VDAC1: variants seen among roughly 807,000 people sequenced by gnomAD.
VDAC1 encodes the protein voltage dependent anion channel 1, also known as non-selective voltage-gated ion channel VDAC1.
VDAC1 carries 10 observed loss-of-function variants against 34.7 expected under a neutral mutation model. The observed-to-expected ratio is 0.29, with a 90% confidence interval of 0.18 to 0.49. The LOEUF (loss-of-function observed/expected upper bound fraction) is 0.49, where lower values mean the gene tolerates loss of function less well. VDAC1 is among the 20% of genes least tolerant of loss of function. The pLI is 0.99. For synonymous variants in VDAC1, 130 were observed against 136.0 expected (o/e 0.96, Z 0.30); for missense variants, 230 against 347.9 (o/e 0.66, Z 2.69).
At chr5:134,023,604 A>G in the VDAC1 span, among the ~76,000 whole-genome samples, 34 of 152,312 alleles carry the variant, frequency 2.2e-4, no homozygotes, top group African/African-American at 6.3e-4. Flanking sequence ...CATTCATTCA[A>G]CAAATATTTA....
At chr5:134,042,973 C>A in the VDAC1 span, among the ~76,000 whole-genome samples, 1 of 152,220 alleles carries the variant, frequency 6.6e-6, no homozygotes, top group Admixed American at 6.5e-5. Flanking sequence ...TCGTGGGAGA[C>A]AGGCTGGTGG....
the VDAC1 span, among the ~76,000 whole-genome samples, chr5:134,092,886 C>G: frequency 6.6e-6 from 1 of 152,222 alleles, no homozygotes; most frequent in African/African-American, 2.4e-5. Flanking sequence ...TCCATTGCAA[C>G]CCTTGCCACT....
At chr5:134,091,206 T>C in the VDAC1 span, among the ~76,000 whole-genome samples, 2 of 152,210 alleles carry the variant, frequency 1.3e-5, no homozygotes, top group Non-Finnish European at 2.9e-5. Flanking sequence ...AGACAATAAG[T>C]ATTTGTTGAA....
At chr5:133,991,272 A>G in intron 3 of VDAC1, 118 bp from the exon 4 acceptor site, 1 of 1,267,290 alleles carries the variant, frequency 7.9e-7, no homozygotes, top group Non-Finnish European at 1.1e-6. Context: ...TGGGGGGGCC[A>G]AGGCTAACTC....
the VDAC1 span, among the ~76,000 whole-genome samples, chr5:134,074,936 C>T: frequency 6.6e-6 from 1 of 152,196 alleles, no homozygotes; most frequent in Admixed American, 6.5e-5. Context: ...ACTGACTGCC[C>T]CAGACTCCAG....
chr5:134,102,032 C>T, the VDAC1 span, among the ~76,000 whole-genome samples: 1 of 152,270 alleles, frequency 6.6e-6, no homozygotes, highest in East Asian at 1.9e-4. Context: ...CCATCCTCCA[C>T]TATTCAGCGG....
the VDAC1 span, among the ~76,000 whole-genome samples, chr5:134,058,662 T>G: frequency 6.6e-6 from 1 of 152,132 alleles, no homozygotes; most frequent in Non-Finnish European, 1.5e-5. Flanking sequence ...AGGCAGACCA[T>G]GCATTGCACC....
At chr5:133,986,087 G>C (rs71587513) in intron 5 of VDAC1, among the ~76,000 whole-genome samples, 15,441 of 152,086 alleles carry the variant, frequency 0.1, 912 homozygotes, top group South Asian at 0.21. Flanking sequence ...GATATTATTG[G>C]GATTTATTTT....
chr5:134,026,008 G>A, the VDAC1 span, among the ~76,000 whole-genome samples: 1 of 152,182 alleles, frequency 6.6e-6, no homozygotes, highest in East Asian at 1.9e-4. Flanking sequence ...CCTGGGGGAG[G>A]GAGTTGCCTG....
chr5:134,075,632 C>T, the VDAC1 span, among the ~76,000 whole-genome samples: 8 of 151,996 alleles, frequency 5.3e-5, no homozygotes, highest in Admixed American at 1.3e-4. Context: ...TGCCCAGGCT[C>T]GAGTGCAGTG....
the VDAC1 span, among the ~76,000 whole-genome samples, chr5:134,084,649 A>G: frequency 6.6e-6 from 1 of 152,312 alleles, no homozygotes; most frequent in South Asian, 2.1e-4. Context: ...CAGTTTCCCC[A>G]TCTCTCAAAT....
At chr5:133,989,966 A>G (rs770109817) in intron 5 of VDAC1, among the ~76,000 whole-genome samples, 8 of 152,184 alleles carry the variant, frequency 5.3e-5, no homozygotes, top group Admixed American at 2.6e-4. Flanking sequence ...CCGGCCCACA[A>G]TTTTTAAAAA....
At chr5:134,099,851 G>C in the VDAC1 span, among the ~76,000 whole-genome samples, 1 of 152,216 alleles carries the variant, frequency 6.6e-6, no homozygotes, top group Non-Finnish European at 1.5e-5. Context: ...TCAAAGTGCT[G>C]GGATTGTGGG....
intron 1 of VDAC1, among the ~76,000 whole-genome samples, chr5:133,997,270 A>G (rs751742073): frequency 6.6e-6 from 1 of 152,182 alleles, no homozygotes; most frequent in Non-Finnish European, 1.5e-5. Context: ...CACTACTCAA[A>G]GATGTGTATA....
the VDAC1 span, among the ~76,000 whole-genome samples, chr5:134,067,363 C>T: frequency 2.0e-5 from 3 of 148,348 alleles, no homozygotes; most frequent in Non-Finnish European, 4.4e-5. Context: ...GTGTGAGCCA[C>T]CGCTCCCAGT....
the VDAC1 span, among the ~76,000 whole-genome samples, chr5:134,065,606 G>T: frequency 4.6e-5 from 7 of 151,714 alleles, no homozygotes; most frequent in East Asian, 7.8e-4. Context: ...CTCTCAAAAT[G>T]CTGGAATTAT....
chr5:134,007,242 CAAAAAA>C (rs56702014), upstream of VDAC1, among the ~76,000 whole-genome samples: 19 of 120,262 alleles, frequency 1.6e-4, no homozygotes, highest in South Asian at 2.7e-4. Flanking sequence ...GAAACTCTGC[CAAAAAA>C]AAAAAAAAAG....
chr5:134,002,965 C>CA (rs35606324), intron 1 of VDAC1, among the ~76,000 whole-genome samples: 62,275 of 145,990 alleles, frequency 0.43, 13,288 homozygotes, highest in Non-Finnish European at 0.45. Context: ...GACCCTGTCT[C>CA]AAAAAAAAAA....
At chr5:134,074,530 C>T in the VDAC1 span, among the ~76,000 whole-genome samples, 1 of 151,866 alleles carries the variant, frequency 6.6e-6, no homozygotes, top group South Asian at 2.1e-4. Context: ...GGAAGAGGGG[C>T]TCACAGTGTA....
Sources: gnomAD v4.1 joint callset for allele counts (sites outside exome capture counted in the v4.1 genomes callset) on GRCh38, gnomAD v4.1.1 for gene constraint, MANE v1.5 for transcripts, NCBI Gene and HGNC (gene_info 2026-07-23, HGNC 2026-07-21) for gene names.